The following NEK1 variants were observed in gnomAD, a reference collection of about 807,000 sequenced individuals.
NEK1 encodes NIMA related kinase 1.
NEK1 carries 137 observed loss-of-function variants against 182.1 expected under a neutral mutation model. The ratio of observed to expected loss-of-function variants is 0.75; its 90% CI spans 0.65 to 0.87. NEK1 has a LOEUF of 0.87. Among genes scored for constraint, NEK1 ranks in the 40% least tolerant of loss-of-function variants. The pLI is 0.00. For synonymous variants in NEK1, 513 were observed against 492.2 expected (o/e 1.04, Z -0.56); for missense variants, 1,391 against 1,494.4 (o/e 0.93, Z 1.14).
chr4:169,402,766 G>A (rs975895228), intron 32 of NEK1, among the ~76,000 whole-genome samples: 3 of 152,138 alleles, frequency 2.0e-5, no homozygotes, highest in African/African-American at 7.2e-5. Context: ...AAATGACAGA[G>A]CACTGAAATC....
chr4:169,396,212 A>G (rs985133063), intron 35 of NEK1, among the ~76,000 whole-genome samples: 4 of 151,788 alleles, frequency 2.6e-5, no homozygotes, highest in Non-Finnish European at 4.4e-5. Flanking sequence ...CTAAAAATAC[A>G]AAAATTAGCT....
chr4:169,463,443 A>C, intron 26 of NEK1, 48 bp from the exon 27 acceptor site: 1 of 1,427,214 alleles, frequency 7.0e-7, no homozygotes, highest in Non-Finnish European at 9.6e-7. Flanking sequence ...CAGTATAATA[A>C]TACTGCATGG....
intron 19 of NEK1, among the ~76,000 whole-genome samples, chr4:169,515,608 T>C (rs1297388708): frequency 6.3e-5 from 8 of 127,176 alleles, no homozygotes; most frequent in African/African-American, 2.4e-4. Flanking sequence ...CCCACTAATG[T>C]GTCATCTAGC....
chr4:169,604,747 G>A (rs1771057255), intron 2 of NEK1, among the ~76,000 whole-genome samples: 1 of 152,206 alleles, frequency 6.6e-6, no homozygotes, highest in South Asian at 2.1e-4. Flanking sequence ...AACTCAGCCT[G>A]TGGTAGCACT....
intron 19 of NEK1, among the ~76,000 whole-genome samples, chr4:169,521,823 G>C (rs1380777597): frequency 6.6e-6 from 1 of 152,046 alleles, no homozygotes; most frequent in East Asian, 1.9e-4. Flanking sequence ...ACTTTCATAT[G>C]GAATGTGTCA....
chr4:169,515,184 T>C (rs150626520), intron 19 of NEK1, among the ~76,000 whole-genome samples: 1 of 152,186 alleles, frequency 6.6e-6, no homozygotes, highest in Non-Finnish European at 1.5e-5. Context: ...GTTCTCTATA[T>C]TTGTAAAGGT....
chr4:169,479,665 G>T, intron 23 of NEK1, 131 bp from the exon 24 acceptor site: 1 of 723,518 alleles, frequency 1.4e-6, no homozygotes. Flanking sequence ...ATTATCTGTT[G>T]AGCAAGGCAT....
rs935303917 is a variant in NEK1, at chr4:169,406,860, TAA to T, written c.3223-115_3223-114del. 9.2e-4 allele frequency: 642 copies of T among 699,098 alleles called. 1 individual carries two copies. In the African/African-American group the frequency reaches 9.6e-3, roughly 10 times the overall value. 43.3% of individuals were successfully genotyped at this position (699,098 alleles called of 1,614,324 possible). A position where few individuals can be genotyped will look rare whatever the true frequency, so the allele number is the denominator to read the frequency against. On this transcript the variant is annotated intron_variant, in intron 31 of 35. Transcript: ENST00000507142. ...TTACATATGTGTAAAATGTAACATATAAAAAGTTTTTTTATATATGTAACATA... is the reference window on the plus strand; with the variant it reads ...TTACATATGTGTAAAATGTAACATATAAAGTTTTTTTATATATGTAACATA...
rs535966486 is a variant in NEK1, at chr4:169,560,315, A to G, written c.1266+1165T>C. 3.3e-5 allele frequency among the ~76,000 whole-genome samples: 5 copies of G among 152,118 alleles called. No individual in the cohort carries two copies. The South Asian group carries it at 1.0e-3, about 32-fold the overall frequency. On this transcript the variant is annotated intron_variant, in intron 16 of 35. Transcript: ENST00000507142. Reference sequence around the variant, plus strand: ...TTGTGGCTGTATGACTAGGACCACAATTTTCTTGCTAGTTGCTCATTAGAG... The same window carrying G: ...TTGTGGCTGTATGACTAGGACCACAGTTTTCTTGCTAGTTGCTCATTAGAG...
chr4:169,523,247 T>G (rs766921013), intron 19 of NEK1, among the ~76,000 whole-genome samples: 7 of 152,230 alleles, frequency 4.6e-5, no homozygotes, highest in Non-Finnish European at 8.8e-5. Flanking sequence ...ATTGCTATGT[T>G]GAACTGTGCC....
intron 9 of NEK1, 39 bp from the exon 10 acceptor site, chr4:169,585,588 A>T: frequency 7.4e-7 from 1 of 1,352,512 alleles, no homozygotes; most frequent in Non-Finnish European, 1.0e-6. Flanking sequence ...GGAAACATAT[A>T]TAAATTGAAA....
chr4:169,445,794 C>G (rs1415105655), intron 27 of NEK1, among the ~76,000 whole-genome samples: 1 of 149,640 alleles, frequency 6.7e-6, no homozygotes, highest in Non-Finnish European at 1.5e-5. Context: ...TGCGATATAC[C>G]CATGTAACAA....
chr4:169,599,075 G>C (rs1308186574), intron 5 of NEK1, 25 bp downstream of exon 5: 1 of 1,569,694 alleles, frequency 6.4e-7, no homozygotes, highest in South Asian at 1.1e-5. Flanking sequence ...TAGAGTAAGA[G>C]TCAATTTCCT....
At chr4:169,544,118 T>C (rs895966102) in intron 18 of NEK1, among the ~76,000 whole-genome samples, 10 of 152,236 alleles carry the variant, frequency 6.6e-5, no homozygotes, top group Non-Finnish European at 2.9e-5. Context: ...TGTGGGTTTG[T>C]CATAAATAGC....
chr4:169,482,598 C>T (rs187179546), intron 23 of NEK1, among the ~76,000 whole-genome samples: 281 of 151,028 alleles, frequency 1.9e-3, no homozygotes, highest in Non-Finnish European at 3.4e-3. Context: ...AGGCACCTGG[C>T]TGTTTCGCTT....
intron 23 of NEK1, among the ~76,000 whole-genome samples, chr4:169,481,850 A>G (rs887954491): frequency 4.6e-5 from 7 of 152,166 alleles, no homozygotes; most frequent in African/African-American, 1.7e-4. Flanking sequence ...GAAGCCAGCT[A>G]TTGACTTCTC....
Position 169,560,359 on chromosome 4 carries a change from C to T in NEK1, c.1266+1121G>A, listed in dbSNP as rs557163013. 3.9e-5 allele frequency among the ~76,000 whole-genome samples: 6 copies of T among 152,312 alleles called. No individual in the cohort carries two copies. In the South Asian group the frequency reaches 1.2e-3, roughly 32 times the overall value. On this transcript the variant is annotated intron_variant, in intron 16 of 35. Transcript: ENST00000507142. ...ATTAGAGACCACTACTTGTAGAGGT[C>T]ATCTCTACTGTTTTGCCACATGAAT...
At chr4:169,455,295 G>A (rs1424627956) in intron 27 of NEK1, among the ~76,000 whole-genome samples, 1 of 151,712 alleles carries the variant, frequency 6.6e-6, no homozygotes, top group Non-Finnish European at 1.5e-5. Flanking sequence ...CCTGCACGTT[G>A]TGCACATGTA....
chr4:169,596,905 T>A (rs1769594890), intron 5 of NEK1, among the ~76,000 whole-genome samples: 1 of 152,186 alleles, frequency 6.6e-6, no homozygotes, highest in East Asian at 1.9e-4. Flanking sequence ...ATTTTTATCA[T>A]TTATGATAAA....
Sources: gnomAD v4.1 joint callset for allele counts (sites outside exome capture counted in the v4.1 genomes callset) on GRCh38, gnomAD v4.1.1 for gene constraint, MANE v1.5 for transcripts, NCBI Gene and HGNC (gene_info 2026-07-23, HGNC 2026-07-21) for gene names.